Variants in ZFPM2 observed in about 807,000 individuals in gnomAD.
ZFPM2 encodes the protein zinc finger protein ZFPM2.
In ZFPM2, 20 loss-of-function variants were observed where a neutral mutation model predicts 98.6. The observed-to-expected ratio is 0.20, with a 90% CI of 0.14 to 0.29. The LOEUF is 0.29. ZFPM2 is among the 10% of genes least tolerant of loss of function. The pLI is 1.00. For synonymous variants in ZFPM2, 518 were observed against 502.7 expected, an observed-to-expected ratio of 1.03 and a Z score of -0.41; for missense variants, 1,310 against 1,388.6, an observed-to-expected ratio of 0.94 and a Z score of 0.90.
chr8:105,655,897 A>C (rs1817276107), intron 5 of ZFPM2, among the ~76,000 whole-genome samples: 1 of 152,228 alleles, frequency 6.6e-6, no homozygotes, highest in Non-Finnish European at 1.5e-5. Flanking sequence ...TAAAGCTAAC[A>C]AATGGCACAG....
intron 2 of ZFPM2, among the ~76,000 whole-genome samples, chr8:105,423,912 A>G (rs991223758): frequency 2.0e-5 from 3 of 152,216 alleles, no homozygotes; most frequent in Admixed American, 6.5e-5. Flanking sequence ...GATAAATTCC[A>G]GGAGAATGTC....
chr8:105,776,868 A>C (rs2131101638), intron 5 of ZFPM2, among the ~76,000 whole-genome samples: 1 of 152,320 alleles, frequency 6.6e-6, no homozygotes, highest in African/African-American at 2.4e-5. Context: ...ATAATACAGA[A>C]AGTTCTTTGG....
chr8:105,388,368 G>C (rs1489191772), intron 1 of ZFPM2, among the ~76,000 whole-genome samples: 1 of 151,988 alleles, frequency 6.6e-6, no homozygotes, highest in Non-Finnish European at 1.5e-5. Flanking sequence ...AAAGAGGAGG[G>C]AAAAAGAGGG....
chr8:105,330,589 T>TACAC (rs1812203795), intron 1 of ZFPM2, among the ~76,000 whole-genome samples: 1 of 43,286 alleles, frequency 2.3e-5, no homozygotes, highest in African/African-American at 1.8e-4. Context: ...TACATATATA[T>TACAC]ATATACATAT....
rs557576523 is a variant in ZFPM2, at chr8:105,768,009, C to G, written c.533-20709C>G. The stretch of plus-strand genomic sequence containing the variant: ...TTTTGATTGATCTTATAGCAGGCAT[C>G]TCCAGTTAAATGTGCAATTGCATAT... On this transcript the variant is annotated intron_variant, in intron 5 of 7. Coordinates refer to ENST00000407775, the MANE Select transcript of ZFPM2 (RefSeq NM_012082.4). 1.6e-4 allele frequency among the ~76,000 whole-genome samples: 25 copies of G among 151,910 alleles called. No individual in the cohort carries two copies. The East Asian group carries it at 1.9e-3, about 12-fold the overall frequency.
chr8:105,564,741 A>C (rs377499026), intron 4 of ZFPM2, among the ~76,000 whole-genome samples: 1 of 152,154 alleles, frequency 6.6e-6, no homozygotes, highest in Non-Finnish European at 1.5e-5. Flanking sequence ...ATTTCTTAAC[A>C]TGAATCATAA....
At chr8:105,373,177 A>G (rs1810657691) in intron 1 of ZFPM2, among the ~76,000 whole-genome samples, 1 of 152,176 alleles carries the variant, frequency 6.6e-6, no homozygotes, top group African/African-American at 2.4e-5. Flanking sequence ...CGTTTTTCTT[A>G]TCAGCATTAG....
At chr8:105,497,046 C>T (rs1813484644) in intron 3 of ZFPM2, among the ~76,000 whole-genome samples, 2 of 148,144 alleles carry the variant, frequency 1.4e-5, no homozygotes, top group Admixed American at 6.8e-5. Context: ...AGTGCAGTGG[C>T]GAGATCTGGG....
At position 105,788,839 on chromosome 8, in the gene ZFPM2, G is replaced by A. The variant is rs931953468; in HGVS notation, c.654G>A (p.Met218Ile). 21 of 1,613,926 alleles carry A rather than the reference G, an allele frequency of 1.3e-5. No individual in the cohort carries two copies. The highest frequency in any genetic ancestry group is 1.7e-5 in the Non-Finnish European group (20 of 1,179,864). The change falls in exon 6 of 8, where the codon ATG becomes ATA. Residue 218 changes from methionine (M) to isoleucine (I), a missense_variant. Physicochemically the swap from Met to Ile is conservative, Grantham distance 10. Coordinates refer to ENST00000407775, the MANE Select transcript of ZFPM2 (RefSeq NM_012082.4). The stretch of plus-strand genomic sequence containing the variant: ...GTCAGATGACTCTCACAGAAGGGAT[G>A]TACCCTGCACGCCTGCTGGACTCAA... ...AASQMTLTEG[M>I]YPARLLDSIQ... is the part of the protein sequence containing the mutation.
intron 4 of ZFPM2, among the ~76,000 whole-genome samples, chr8:105,580,454 T>C (rs926769803): frequency 5.9e-5 from 9 of 152,194 alleles, no homozygotes; most frequent in East Asian, 1.9e-4. Flanking sequence ...TAAATACTTA[T>C]GGTAGGCTCA....
chr8:105,496,599 G>A (rs1479134650), intron 3 of ZFPM2, among the ~76,000 whole-genome samples: 1 of 151,800 alleles, frequency 6.6e-6, no homozygotes, highest in Non-Finnish European at 1.5e-5. Flanking sequence ...TGGCTGAGGT[G>A]GTATCTACAG....
At chr8:105,459,965 C>T (rs1048879044) in intron 3 of ZFPM2, among the ~76,000 whole-genome samples, 2 of 152,054 alleles carry the variant, frequency 1.3e-5, no homozygotes, top group East Asian at 1.9e-4. Flanking sequence ...AACACTAGGG[C>T]CTTTGGGTTT....
chr8:105,667,057 A>G (rs914384517), intron 5 of ZFPM2, among the ~76,000 whole-genome samples: 11 of 152,204 alleles, frequency 7.2e-5, no homozygotes, highest in Non-Finnish European at 1.3e-4. Flanking sequence ...TTTTTATTTG[A>G]AAGAATGTCT....
At chr8:105,533,596 C>A (rs1396495291) in intron 3 of ZFPM2, among the ~76,000 whole-genome samples, 1 of 152,036 alleles carries the variant, frequency 6.6e-6, no homozygotes, top group East Asian at 1.9e-4. Flanking sequence ...ACCCTATATA[C>A]TAACTCTGTA....
chr8:105,467,685 AAGT>A (rs1314087799), intron 3 of ZFPM2, among the ~76,000 whole-genome samples: 23 of 152,092 alleles, frequency 1.5e-4, no homozygotes, highest in Admixed American at 1.4e-3. Context: ...ATGAATATAA[AAGT>A]AGTAGGCTGA....
chr8:105,441,517 G>A (rs1211643996), intron 2 of ZFPM2, among the ~76,000 whole-genome samples: 3 of 112,006 alleles, frequency 2.7e-5, no homozygotes, highest in Non-Finnish European at 4.0e-5. Context: ...GCCCAGGGGC[G>A]CCCCGGTGTT....
intron 1 of ZFPM2, among the ~76,000 whole-genome samples, chr8:105,353,052 T>C (rs1374527613): frequency 6.6e-6 from 1 of 152,194 alleles, no homozygotes; most frequent in African/African-American, 2.4e-5. Flanking sequence ...TAAAGTGTTA[T>C]TAGTTGGGTT....
chr8:105,365,541 G>T (rs1041307623), intron 1 of ZFPM2, among the ~76,000 whole-genome samples: 1 of 152,124 alleles, frequency 6.6e-6, no homozygotes, highest in African/African-American at 2.4e-5. Context: ...GAAATTTGCG[G>T]TTAAAAAGAA....
intron 1 of ZFPM2, among the ~76,000 whole-genome samples, chr8:105,326,235 C>T (rs1049999102): frequency 6.6e-6 from 1 of 151,494 alleles, no homozygotes; most frequent in African/African-American, 2.4e-5. Context: ...TTTCCAAAAC[C>T]AGGAAACAAA....
Sources: allele counts gnomAD v4.1 joint callset (sites outside exome capture counted in the v4.1 genomes callset), GRCh38; gene constraint gnomAD v4.1.1; transcripts MANE v1.5; gene names NCBI Gene and HGNC (gene_info 2026-07-23, HGNC 2026-07-21).